Variants in TMEM132D observed in about 807,000 individuals in gnomAD.
TMEM132D encodes transmembrane protein 132D.
Under a neutral mutation model 62.3 loss-of-function variants are expected in TMEM132D, and 21 were observed. The observed-to-expected ratio is 0.34, with a 90% CI of 0.24 to 0.49. The LOEUF is 0.49. Among genes scored for constraint, TMEM132D ranks in the 20% least tolerant of loss-of-function variants. The pLI is 0.99. For missense variants in TMEM132D, 1,346 were observed against 1,402.8 expected, an observed-to-expected ratio of 0.96 and a Z score of 0.65; for synonymous variants, 621 against 575.6, an observed-to-expected ratio of 1.08 and a Z score of -1.13.
intron 5 of TMEM132D, among the ~76,000 whole-genome samples, chr12:129,173,161 C>T (rs1041946635): frequency 2.6e-5 from 4 of 152,100 alleles, no homozygotes; most frequent in Non-Finnish European, 2.9e-5. Context: ...ACAAGCTGTT[C>T]GAAAAATGGT....
chr12:129,357,940 C>G (rs1024492924), intron 3 of TMEM132D, among the ~76,000 whole-genome samples: 1 of 152,214 alleles, frequency 6.6e-6, no homozygotes, highest in Non-Finnish European at 1.5e-5. Flanking sequence ...ATTGTTTCCT[C>G]TTGGACATTA....
At chr12:129,727,326 A>T (rs11060521) in intron 1 of TMEM132D, among the ~76,000 whole-genome samples, 21,877 of 152,202 alleles carry the variant, frequency 0.14, 1,737 homozygotes, top group South Asian at 0.25. Flanking sequence ...GAAGGGCAAG[A>T]GAGCACCAAG....
rs1469130303 is a variant in TMEM132D, at chr12:129,542,705, T to C, written c.969-11500A>G. Reference sequence around the variant, plus strand: ...ATATATGTATATGTAGGTATATATATAATGTATATACACACACGCATATAC... The same window carrying C: ...ATATATGTATATGTAGGTATATATACAATGTATATACACACACGCATATAC... On this transcript the variant is annotated intron_variant, in intron 2 of 8. Transcript: ENST00000422113. Among the ~76,000 whole-genome samples, 4 of 152,184 alleles carry C rather than the reference T, an allele frequency of 2.6e-5. No homozygotes were observed. In the East Asian group the frequency reaches 7.7e-4, roughly 29 times the overall value.
At chr12:129,338,142 A>G (rs1439634739) in intron 3 of TMEM132D, among the ~76,000 whole-genome samples, 1 of 152,218 alleles carries the variant, frequency 6.6e-6, no homozygotes, top group Non-Finnish European at 1.5e-5. Context: ...TTCCTTTCCC[A>G]TTCTCCATTT....
chr12:129,124,176 C>T (rs1312393314), intron 5 of TMEM132D, among the ~76,000 whole-genome samples: 7 of 152,140 alleles, frequency 4.6e-5, no homozygotes, highest in Non-Finnish European at 1.0e-4. Flanking sequence ...CCGTGGCTCC[C>T]ATGTGGCCTC....
At chr12:129,380,751 C>A (rs1007788062) in intron 3 of TMEM132D, among the ~76,000 whole-genome samples, 2 of 152,060 alleles carry the variant, frequency 1.3e-5, no homozygotes, top group African/African-American at 4.8e-5. Flanking sequence ...CCCTGGCAAC[C>A]GCTATTGTGT....
intron 1 of TMEM132D, among the ~76,000 whole-genome samples, chr12:129,868,626 AC>A (rs1482662781): frequency 6.6e-6 from 1 of 152,138 alleles, no homozygotes; most frequent in African/African-American, 2.4e-5. Context: ...TATGCCCTGT[AC>A]CCCTGTAAGC....
chr12:129,760,861 T>C (rs1195693710), intron 1 of TMEM132D, among the ~76,000 whole-genome samples: 1 of 152,046 alleles, frequency 6.6e-6, no homozygotes, highest in African/African-American at 2.4e-5. Context: ...CCTCCGTGTG[T>C]CCGTGTGTTC....
Position 129,804,595 on chromosome 12 carries a change from G to A in TMEM132D, c.79+98666C>T, listed in dbSNP as rs1473049774. 5.2e-3 allele frequency among the ~76,000 whole-genome samples: 733 copies of A among 139,948 alleles called. 5 individuals carry two copies. The highest frequency in any genetic ancestry group is 0.019 in the African/African-American group (692 of 37,182). 91.8% of individuals were successfully genotyped at this position (139,948 alleles called of 152,430 possible). On this transcript the variant is annotated intron_variant, in intron 1 of 8. Transcript: ENST00000422113. ...CCACAGCCAATATCATACTGAATGG[G>A]CAAAAACTGGAAGCATTCCCTTTGA...
At chr12:129,241,408 G>A (rs1044580342) in intron 4 of TMEM132D, among the ~76,000 whole-genome samples, 4 of 152,002 alleles carry the variant, frequency 2.6e-5, no homozygotes, top group South Asian at 2.1e-4. Context: ...CATACACACC[G>A]GCACAACACT....
At chr12:129,744,951 G>C (rs1325359221) in intron 1 of TMEM132D, among the ~76,000 whole-genome samples, 1 of 152,110 alleles carries the variant, frequency 6.6e-6, no homozygotes. Flanking sequence ...GGATCATGGG[G>C]CGGTTTCCCC....
At chr12:129,315,822 G>A (rs1385737004) in intron 4 of TMEM132D, among the ~76,000 whole-genome samples, 2 of 152,108 alleles carry the variant, frequency 1.3e-5, no homozygotes, top group South Asian at 2.1e-4. Flanking sequence ...CTTGCTGCTT[G>A]TTATTGGTCT....
intron 3 of TMEM132D, among the ~76,000 whole-genome samples, chr12:129,380,116 G>C (rs912535274): frequency 6.6e-6 from 1 of 152,200 alleles, no homozygotes; most frequent in Non-Finnish European, 1.5e-5. Flanking sequence ...AAGTAACAAT[G>C]CATTTTATTA....
At chr12:129,075,954 G>A (rs941602144) in intron 8 of TMEM132D, among the ~76,000 whole-genome samples, 4 of 140,108 alleles carry the variant, frequency 2.9e-5, no homozygotes, top group East Asian at 2.5e-4. Flanking sequence ...AACCTGCTCC[G>A]CCCCAAGCCC....
intron 2 of TMEM132D, among the ~76,000 whole-genome samples, chr12:129,556,785 A>G (rs1213996566): frequency 6.6e-6 from 1 of 152,202 alleles, no homozygotes; most frequent in East Asian, 1.9e-4. Flanking sequence ...TCACTTTAAG[A>G]ACTCACAGCC....
At chr12:129,829,902 A>G (rs762902599) in intron 1 of TMEM132D, among the ~76,000 whole-genome samples, 1 of 152,100 alleles carries the variant, frequency 6.6e-6, no homozygotes, top group Admixed American at 6.6e-5. Flanking sequence ...GCTGCAACCA[A>G]CTGAATCAAA....
intron 1 of TMEM132D, among the ~76,000 whole-genome samples, chr12:129,818,571 T>C (rs1872446439): frequency 8.5e-6 from 1 of 117,732 alleles, no homozygotes; most frequent in Admixed American, 8.9e-5. Flanking sequence ...TATGTGTGTA[T>C]GTGTATGTGT....
At chr12:129,656,201 G>C (rs1362624524) in intron 2 of TMEM132D, among the ~76,000 whole-genome samples, 1 of 151,656 alleles carries the variant, frequency 6.6e-6, no homozygotes, top group Non-Finnish European at 1.5e-5. Context: ...AAGACGAAAA[G>C]AAGGAAGATA....
In TMEM132D at chr12:129,835,727, A is replaced by G. The variant is rs1872985191; in HGVS notation, c.79+67534T>C. Among the ~76,000 whole-genome samples, 2 of 152,212 alleles carry G rather than the reference A, an allele frequency of 1.3e-5. 1 individual carries two copies. Among genetic ancestry groups the G allele is most frequent in the South Asian group, 4.1e-4 (2 of 4,830 alleles). Reference sequence around the variant, plus strand: ...AACGGGGCAGGGACATCTGTGGCACACCTAATACTCACGCGCCTTCCCATA... The same window carrying G: ...AACGGGGCAGGGACATCTGTGGCACGCCTAATACTCACGCGCCTTCCCATA... On this transcript the variant is annotated intron_variant, in intron 1 of 8. Transcript: ENST00000422113.
Sources: gnomAD v4.1 joint callset for allele counts (sites outside exome capture counted in the v4.1 genomes callset) on GRCh38, gnomAD v4.1.1 for gene constraint, MANE v1.5 for transcripts, NCBI Gene and HGNC (gene_info 2026-07-23, HGNC 2026-07-21) for gene names.